The following MROH1 variants were observed in gnomAD, a reference collection of about 807,000 sequenced individuals.
MROH1 encodes maestro heat like repeat family member 1.
Under a neutral mutation model 116.5 loss-of-function variants are expected in MROH1, and 117 were observed. That is an observed-to-expected ratio of 1.00 (90% CI 0.86 to 1.17). The LOEUF (loss-of-function observed/expected upper bound fraction) is 1.17, where lower values mean the gene tolerates loss of function less well. MROH1 is among the 50% of genes most tolerant of loss of function. The pLI is 0.00. For synonymous variants in MROH1, 921 were observed against 583.9 expected, an observed-to-expected ratio of 1.58 and a Z score of -8.32; for missense variants, 1,873 against 1,338.5, an observed-to-expected ratio of 1.40 and a Z score of -6.23.
At chr8:144,186,417 C>T (rs113047708) in intron 7 of MROH1, among the ~76,000 whole-genome samples, 16,716 of 152,044 alleles carry the variant, frequency 0.11, 2,009 homozygotes, top group African/African-American at 0.3. Context: ...CCACTGCGCC[C>T]GGCCCCAAAT....
At chr8:144,151,899 G>A (rs962732175) in intron 1 of MROH1, among the ~76,000 whole-genome samples, 3 of 152,210 alleles carry the variant, frequency 2.0e-5, no homozygotes, top group Admixed American at 6.5e-5. Flanking sequence ...CACTGCCGTC[G>A]GCTCTGGAAG....
chr8:144,245,312 C>G (rs924154321), intron 29 of MROH1, 52 bp downstream of exon 29: 39 of 767,230 alleles, frequency 5.1e-5, no homozygotes, highest in Admixed American at 4.3e-4. Context: ...TACTCATGAC[C>G]CAGAGTGTGA....
rs535721466 is a variant in MROH1, at chr8:144,180,567, T to G, written c.562+44T>G. On this transcript the variant is annotated intron_variant, in intron 7 of 43. Transcript: ENST00000326134. This position sits in a 1 kb window ranked among gnomAD's most constrained non-coding sequence, Gnocchi z 7.4. The stretch of plus-strand genomic sequence containing the variant: ...ACCTTCTGTCTCAAGTGCCCCTTTG[T>G]GGGGGGCTGTTCCCGGGCATGCCTG... 109 of 1,564,594 alleles carry G rather than the reference T, an allele frequency of 7.0e-5. No homozygotes were observed. Among genetic ancestry groups the G allele is most frequent in the Non-Finnish European group, 8.3e-5 (95 of 1,147,402 alleles).
At chr8:144,200,877 T>C in intron 12 of MROH1, 1 of 267,356 alleles carries the variant, frequency 3.7e-6, no homozygotes, top group Non-Finnish European at 7.3e-6. Flanking sequence ...CATTCTGGGA[T>C]CTATTCAAAG....
chr8:144,149,065 GAGCTGTTGGGTCTC>G lies in MROH1; in HGVS notation c.-177+992_-177+1005del, dbSNP rs1261453026. On this transcript the variant is annotated intron_variant, in intron 1 of 43. Transcript: ENST00000326134. Reference sequence around the variant, plus strand: ...AGGTGAGGGTGGTGAGTTGAGTTTAGAGCTGTTGGGTCTCAGTGCGATGACCATGGATGGAGATG... The same window carrying G: ...AGGTGAGGGTGGTGAGTTGAGTTTAGAGTGCGATGACCATGGATGGAGATG... Among the ~76,000 whole-genome samples the G allele has an allele frequency of 4.1e-3, 629 of 152,266 alleles. 2 individuals carry two copies. Among genetic ancestry groups the G allele is most frequent in the Non-Finnish European group, 7.0e-3 (476 of 68,016 alleles).
At chr8:144,159,961 G>C (rs1363543571) in intron 1 of MROH1, among the ~76,000 whole-genome samples, 1 of 152,128 alleles carries the variant, frequency 6.6e-6, no homozygotes, top group African/African-American at 2.4e-5. Context: ...AGTAGAGACA[G>C]GGTTTCACCG....
chr8:144,244,394 G>A (rs1841529678), intron 27 of MROH1, 50 bp from the exon 28 acceptor site: 1 of 725,712 alleles, frequency 1.4e-6, no homozygotes, highest in Non-Finnish European at 2.6e-6. Context: ...GGAGGCCACT[G>A]TAGGCTGCGG....
intron 12 of MROH1, among the ~76,000 whole-genome samples, chr8:144,202,820 GGCGGGGGGGGGCACCC>G (rs1831663179): frequency 2.4e-5 from 1 of 41,736 alleles, no homozygotes; most frequent in African/African-American, 9.6e-5. Flanking sequence ...TCTGTGGAGG[GGCGGGGGGGGGCACCC>G]GCTCTCTGTG....
rs903733448 is a variant in MROH1 at position 144,261,328 on chromosome 8, G to A, written c.4819G>A (p.Asp1607Asn). ...GGAGCCCAGGCAGCAGCCGCAGGTG[G>A]ACCTGGACCAGCTCATTGCGGGTGA... The part of the protein sequence containing the change: ...HSEPRQQPQV[D>N]LDQLIAALQI... The change falls in exon 43 of 44, where the codon GAC becomes AAC. Residue 1607 changes from aspartate (D) to asparagine (N), a missense_variant. Physicochemically the swap from Asp to Asn is conservative, Grantham distance 23. Coordinates refer to ENST00000326134, the MANE Select transcript of MROH1 (RefSeq NM_032450.3). 26 of 714,668 alleles carry A rather than the reference G, an allele frequency of 3.6e-5. No homozygotes were observed. Among genetic ancestry groups the A allele is most frequent in the Non-Finnish European group, 5.8e-5 (23 of 393,306 alleles). The allele number at this position is 714,668 out of a possible 1,614,324, so 44.3% of individuals were successfully genotyped here. A position where few individuals can be genotyped will look rare whatever the true frequency, so the allele number is the denominator to read the frequency against.
At chr8:144,255,369 G>A (rs888189228) in intron 34 of MROH1, 140 bp from the exon 35 acceptor site, 33 of 665,254 alleles carry the variant, frequency 5.0e-5, no homozygotes, top group Non-Finnish European at 7.8e-5. Flanking sequence ...GGTGCGCCTC[G>A]CCCTTCCTGC....
At chr8:144,216,989 A>G (rs1247616508) in intron 12 of MROH1, among the ~76,000 whole-genome samples, 4 of 152,038 alleles carry the variant, frequency 2.6e-5, no homozygotes, top group African/African-American at 7.2e-5. Flanking sequence ...CGCCTGGCCT[A>G]TTGCTAAGTT....
At position 144,180,329 on chromosome 8, in the gene MROH1, C is replaced by A; in HGVS notation, c.452C>A (p.Ser151Ter). 6.2e-7 allele frequency: 1 copy of A among 1,606,114 alleles called. No individual in the cohort carries two copies. Residue 151 changes from serine to a stop codon, truncating the protein, a stop_gained, in exon 6 of 44, where the codon TCG becomes TAG. Coordinates refer to ENST00000326134, the MANE Select transcript of MROH1 (RefSeq NM_032450.3). LOFTEE classifies it high-confidence loss of function. The surrounding 1 kb of genome is among the most constrained non-coding windows in gnomAD (Gnocchi z 7.4). ...CAVLHTLASL[S>*]VANAFGVVPF... ...GTGCTGCACACCCTCGCCAGCCTCTCGGTGGCCAACGGTAGGTGACGCGCG... is the reference window on the plus strand; with the variant it reads ...GTGCTGCACACCCTCGCCAGCCTCTAGGTGGCCAACGGTAGGTGACGCGCG...
chr8:144,192,718 G>A (rs1204067255), intron 10 of MROH1: 1 of 510,822 alleles, frequency 2.0e-6, no homozygotes, highest in Admixed American at 2.7e-5. Flanking sequence ...AGCTGGGGGA[G>A]ACTGCCCTGA....
intron 34 of MROH1, among the ~76,000 whole-genome samples, chr8:144,255,209 A>G (rs1330499990): frequency 6.6e-6 from 1 of 152,236 alleles, no homozygotes; most frequent in Non-Finnish European, 1.5e-5. Flanking sequence ...CCAGCTTGGC[A>G]GTGTTTTAAG....
chr8:144,232,490 A>C (rs1839100093), intron 14 of MROH1, among the ~76,000 whole-genome samples: 1 of 151,286 alleles, frequency 6.6e-6, no homozygotes, highest in African/African-American at 2.4e-5. Flanking sequence ...TTATTTATTT[A>C]TTTATTTATT....
At chr8:144,211,052 T>C (rs908916437) in intron 12 of MROH1, among the ~76,000 whole-genome samples, 1 of 152,208 alleles carries the variant, frequency 6.6e-6, no homozygotes, top group African/African-American at 2.4e-5. Context: ...TCTTATAATT[T>C]ATCTGTAGAA....
At chr8:144,233,476 T>TCCTGCACCCCACCATCCACCTTCTCTCC (rs1839369698) in intron 14 of MROH1, among the ~76,000 whole-genome samples, 11 of 36,122 alleles carry the variant, frequency 3.0e-4, no homozygotes, top group East Asian at 8.7e-4. Context: ...ACCTTCTCTC[T>TCCTGCACCCCACCATCCACCTTCTCTCC]CCCGCAGCTC....
intron 12 of MROH1, among the ~76,000 whole-genome samples, chr8:144,215,659 CAGG>C (rs930201858): frequency 1.3e-5 from 2 of 151,678 alleles, no homozygotes; most frequent in Non-Finnish European, 2.9e-5. Context: ...ATCACGAGGT[CAGG>C]AGATCGAGAC....
rs1840967855 is a variant in MROH1, at chr8:144,241,478, G to A, written c.2139G>A (p.Glu713=). The A allele has an allele frequency of 2.6e-6, 2 of 778,602 alleles. No homozygotes were observed. The highest frequency in any genetic ancestry group is 4.8e-6 in the Non-Finnish European group (2 of 417,794). The allele number at this position is 778,602 out of a possible 1,614,324, so 48.2% of individuals were successfully genotyped here. A position where few individuals can be genotyped will look rare whatever the true frequency, so the allele number is the denominator to read the frequency against. ...LAQLEDFVRS[E]VFRKSIGILN... ...AGCTGGAGGACTTCGTGAGGTCAGA[G>A]GTCTTCAGAAAATCCATTGGCATTC... The change falls in exon 22 of 44, where the codon GAG becomes GAA. Residue 713 remains glutamate (E), a synonymous_variant. Coordinates refer to ENST00000326134, the MANE Select transcript of MROH1 (RefSeq NM_032450.3).
Sources: allele counts gnomAD v4.1 joint callset (sites outside exome capture counted in the v4.1 genomes callset), GRCh38; gene constraint gnomAD v4.1.1; non-coding constraint Gnocchi (gnomAD v3.1); transcripts MANE v1.5; gene names NCBI Gene and HGNC (gene_info 2026-07-23, HGNC 2026-07-21).